ALDH9A1: variants seen among roughly 807,000 people sequenced by gnomAD.
The protein encoded by ALDH9A1 is aldehyde dehydrogenase 9 family member A1.
ALDH9A1 carries 42 observed loss-of-function variants against 56.6 expected under a neutral mutation model. The ratio of observed to expected loss-of-function variants is 0.74; its 90% confidence interval spans 0.58 to 0.96. ALDH9A1 has a LOEUF of 0.96. Among genes scored for constraint, ALDH9A1 ranks in the 40% least tolerant of loss-of-function variants. The pLI, the probability that ALDH9A1 is intolerant of heterozygous loss-of-function variation, is 0.00. For missense variants in ALDH9A1, 661 were observed against 651.5 expected (o/e 1.01, Z -0.16); for synonymous variants, 242 against 236.0 (o/e 1.03, Z -0.23).
intron 3 of ALDH9A1, among the ~76,000 whole-genome samples, chr1:165,682,587 C>T (rs571382989): frequency 8.4e-4 from 128 of 152,302 alleles, no homozygotes; most frequent in African/African-American, 2.9e-3. Flanking sequence ...AAGTTCCTTG[C>T]AACCTTCCTA....
In ALDH9A1 at chr1:165,683,093, A is replaced by C; in HGVS notation, c.345T>G (p.Ile115Met). 1 of 1,614,056 alleles carries C rather than the reference A, an allele frequency of 6.2e-7. No homozygotes were observed. Among genetic ancestry groups the C allele is most frequent in the Non-Finnish European group, 8.5e-7 (1 of 1,179,952 alleles). The stretch of plus-strand genomic sequence containing the variant: ...CATTGTTGATGCACTCCATAGTAGC[A>C]ATTTCATCCTCCCGTTCCTTTGGGT... ...ARIIREREDE[I>M]ATMECINNGK... Residue 115 changes from isoleucine to methionine, a missense_variant, in exon 3 of 11, where the codon ATT (isoleucine) becomes ATG (methionine). Ile to Met is a conservative substitution (Grantham distance 10). Coordinates refer to ENST00000354775, the MANE Select transcript of ALDH9A1 (RefSeq NM_000696.4).
rs1483884751 is a variant in ALDH9A1, at chr1:165,665,048, C to G, written c.1432G>C (p.Glu478Gln). Residue 478 changes from glutamate to glutamine, a missense_variant, in exon 10 of 11, where the codon GAG becomes CAG. Physicochemically the swap from Glu to Gln is conservative, Grantham distance 29. Coordinates refer to ENST00000354775, the MANE Select transcript of ALDH9A1 (RefSeq NM_000696.4). The stretch of plus-strand genomic sequence containing the variant: ...TTCTTATATCCACCAAAGGGCAACT[C>G]CACTGGGCTGACGTTATAGTTGTTA... The part of the protein sequence containing the change: ...FINNYNVSPV[E>Q]LPFGGYKKSG... The G allele has an allele frequency of 6.2e-7, 1 of 1,614,052 alleles. No individual in the cohort carries two copies. Among genetic ancestry groups the G allele is most frequent in the Non-Finnish European group, 8.5e-7 (1 of 1,179,936 alleles).
chr1:165,668,113 A>G (rs1161807229), intron 8 of ALDH9A1, among the ~76,000 whole-genome samples: 2 of 152,206 alleles, frequency 1.3e-5, no homozygotes, highest in Admixed American at 1.3e-4. Context: ...TGGAGGTGCT[A>G]AAAATTATTA....
At chr1:165,675,796 A>C (rs1649337638) in intron 6 of ALDH9A1, among the ~76,000 whole-genome samples, 1 of 152,222 alleles carries the variant, frequency 6.6e-6, no homozygotes, top group Admixed American at 6.5e-5. Context: ...GAACTGACCC[A>C]AGTAACTTTT....
chr1:165,690,940 T>G (rs925444614), intron 2 of ALDH9A1, among the ~76,000 whole-genome samples: 1 of 152,208 alleles, frequency 6.6e-6, no homozygotes, highest in South Asian at 2.1e-4. Flanking sequence ...CGGCAGGGCA[T>G]AGCTGAACAA....
chr1:165,673,433 C>T (rs1649246904), intron 6 of ALDH9A1, among the ~76,000 whole-genome samples: 1 of 152,184 alleles, frequency 6.6e-6, no homozygotes, highest in Non-Finnish European at 1.5e-5. Context: ...CTTACTTTCA[C>T]TTTATGGACT....
chr1:165,686,778 C>T (rs1407173844), intron 2 of ALDH9A1, among the ~76,000 whole-genome samples: 2 of 152,076 alleles, frequency 1.3e-5, no homozygotes, highest in African/African-American at 4.8e-5. Flanking sequence ...ATATAATGTG[C>T]CCTAGTGATT....
At position 165,680,734 on chromosome 1, in the gene ALDH9A1, C is replaced by T. The variant is rs752009450; in HGVS notation, c.593-51G>A. ...AAAAAGACTTTCTAAGACCAGTGATCCCCTGAAAACAGGACTAGAGGACAA... is the reference window on the plus strand; with the variant it reads ...AAAAAGACTTTCTAAGACCAGTGATTCCCTGAAAACAGGACTAGAGGACAA... On this transcript the variant is annotated intron_variant, in intron 4 of 10. Coordinates refer to ENST00000354775, the MANE Select transcript of ALDH9A1 (RefSeq NM_000696.4). 7 of 1,503,988 alleles carry T rather than the reference C, an allele frequency of 4.7e-6. No homozygotes were observed. In the African/African-American group the frequency reaches 7.0e-5, roughly 15 times the overall value. 93.2% of individuals were successfully genotyped at this position (1,503,988 alleles called of 1,614,324 possible).
chr1:165,696,582 C>G (rs529998726), intron 1 of ALDH9A1, among the ~76,000 whole-genome samples: 2 of 152,090 alleles, frequency 1.3e-5, no homozygotes, highest in African/African-American at 4.8e-5. Flanking sequence ...CAAAAATTCC[C>G]AGATTTCCTT....
chr1:165,674,297 T>G (rs1649273577), intron 6 of ALDH9A1, among the ~76,000 whole-genome samples: 1 of 139,404 alleles, frequency 7.2e-6, no homozygotes, highest in Non-Finnish European at 1.5e-5. Context: ...TTTACTTTCT[T>G]AATAAACTTC....
chr1:165,668,782 A>G (rs1649083847), intron 8 of ALDH9A1, 144 bp downstream of exon 8: 1 of 598,316 alleles, frequency 1.7e-6, no homozygotes, highest in African/African-American at 1.9e-5. Context: ...ATAATGGAGC[A>G]GTTCTACTTC....
chr1:165,672,446 C>T (rs574494105), intron 6 of ALDH9A1, among the ~76,000 whole-genome samples: 6 of 152,088 alleles, frequency 3.9e-5, no homozygotes, highest in South Asian at 2.1e-4. Context: ...ATAAAAGGTA[C>T]GTAGAATAGT....
chr1:165,674,453 G>A (rs1360085135), intron 6 of ALDH9A1, among the ~76,000 whole-genome samples: 6 of 151,898 alleles, frequency 4.0e-5, no homozygotes, highest in East Asian at 3.9e-4. Flanking sequence ...TTGGGAGGCC[G>A]AGGTGGGCAG....
intron 2 of ALDH9A1, among the ~76,000 whole-genome samples, chr1:165,692,018 GC>G (rs1649907489): frequency 2.0e-5 from 3 of 152,264 alleles, no homozygotes; most frequent in African/African-American, 4.8e-5. Flanking sequence ...AATTTCAACA[GC>G]CCTTCATGCT....
intron 6 of ALDH9A1, among the ~76,000 whole-genome samples, chr1:165,678,755 TG>T (rs57509059): frequency 0.41 from 62,086 of 152,032 alleles, 12,956 homozygotes; most frequent in Middle Eastern, 0.5. Context: ...TATGACATCA[TG>T]TTTGTGGTAT....
At chr1:165,674,315 T>TAAAAAAAA (rs56088658) in intron 6 of ALDH9A1, among the ~76,000 whole-genome samples, 1 of 58,058 alleles carries the variant, frequency 1.7e-5, no homozygotes, top group Non-Finnish European at 3.2e-5. Flanking sequence ...TTCCTTTCAC[T>TAAAAAAAA]AAAAAAAAAA....
intron 6 of ALDH9A1, among the ~76,000 whole-genome samples, chr1:165,677,857 CAAAAAA>C (rs35531113): frequency 1.1e-5 from 1 of 87,166 alleles, no homozygotes; most frequent in African/African-American, 4.5e-5. Context: ...GACTCTGTCT[CAAAAAA>C]AAAAAAAAAA....
At chr1:165,671,426 C>G (rs1420569204) in intron 6 of ALDH9A1, 2 of 447,550 alleles carry the variant, frequency 4.5e-6, no homozygotes, top group Non-Finnish European at 8.8e-6. Context: ...CTTCACAAAT[C>G]GGTGGGATCC....
intron 2 of ALDH9A1, among the ~76,000 whole-genome samples, chr1:165,684,805 G>A (rs112701345): frequency 2.7e-4 from 41 of 152,118 alleles, no homozygotes; most frequent in African/African-American, 9.2e-4. Context: ...TGATTCTATC[G>A]CTGCTAAGCC....
Sources: gnomAD v4.1 joint callset for allele counts (sites outside exome capture counted in the v4.1 genomes callset) on GRCh38, gnomAD v4.1.1 for gene constraint, MANE v1.5 for transcripts, NCBI Gene and HGNC (gene_info 2026-07-23, HGNC 2026-07-21) for gene names.